COL5A1: variants seen among roughly 807,000 people sequenced by gnomAD.
COL5A1 encodes the protein collagen type V alpha 1 chain, also known as collagen alpha-1(V) chain.
In COL5A1, 16 loss-of-function variants were observed where a neutral mutation model predicts 263.7. The ratio of observed to expected loss-of-function variants is 0.06; its 90% CI spans 0.04 to 0.09. COL5A1 has a LOEUF of 0.09. Among genes scored for constraint, COL5A1 ranks in the 10% least tolerant of loss-of-function variants. COL5A1 has a pLI of 1.00. For synonymous variants in COL5A1, 1,012 were observed against 1,004.5 expected, an observed-to-expected ratio of 1.01 and a Z score of -0.14; for missense variants, 2,036 against 2,540.5, an observed-to-expected ratio of 0.80 and a Z score of 4.27.
At chr9:134,644,975 C>G (rs547635534) in intron 1 of COL5A1, among the ~76,000 whole-genome samples, 1 of 152,296 alleles carries the variant, frequency 6.6e-6, no homozygotes, top group South Asian at 2.1e-4. Context: ...CCTCTGCCCC[C>G]TCCCTCCCTC....
rs375583238 is a variant in COL5A1, at chr9:134,721,378, C to T, written c.655-5888C>T. ...GGCTGCCCAGGACCCCCCATGACCC[C>T]GTTAGGGCTGTTCTGTGCCTCTCGT... On this transcript the variant is annotated intron_variant, in intron 4 of 65. Transcript: ENST00000371817. 1.2e-4 allele frequency among the ~76,000 whole-genome samples: 19 copies of T among 152,154 alleles called. No homozygotes were observed. The East Asian group carries it at 1.7e-3, about 14-fold the overall frequency.
intron 4 of COL5A1, among the ~76,000 whole-genome samples, chr9:134,712,511 C>A: frequency 1.2e-5 from 1 of 82,474 alleles, no homozygotes; most frequent in Non-Finnish European, 2.5e-5. Context: ...TCCTTCCTGT[C>A]CCCCTTTCTT....
At chr9:134,775,704 A>G (rs965347347) in intron 27 of COL5A1, among the ~76,000 whole-genome samples, 1 of 152,206 alleles carries the variant, frequency 6.6e-6, no homozygotes, top group African/African-American at 2.4e-5. Flanking sequence ...TTAAAGGCTC[A>G]TGATGATTCT....
intron 27 of COL5A1, among the ~76,000 whole-genome samples, chr9:134,777,337 T>TGGCC (rs762041955): frequency 1.3e-5 from 2 of 152,220 alleles, no homozygotes; most frequent in Non-Finnish European, 2.9e-5. Flanking sequence ...CCGGGGCGGC[T>TGGCC]GGCCGGCCGA....
chr9:134,835,225 C>G lies in COL5A1; in HGVS notation c.5370+21C>G, dbSNP rs376301629. 1.2e-5 allele frequency: 20 copies of G among 1,601,882 alleles called. No homozygotes were observed. In the African/African-American group the frequency reaches 2.7e-4, roughly 21 times the overall value. On this transcript the variant is annotated intron_variant, in intron 65 of 65. Transcript: ENST00000371817. ...GTGCTGTGAGTATCCCGCGCCGCGC[C>G]CAGCACCCCTGCTCACGCCTCCGTG...
intron 52 of COL5A1, 57 bp from the exon 53 acceptor site, chr9:134,816,969 T>G (rs1838775226): frequency 4.0e-6 from 6 of 1,508,092 alleles, no homozygotes; most frequent in South Asian, 1.1e-5. Flanking sequence ...GTGTTTTGCC[T>G]CAATTGAGTC....
rs751717243 is a variant in COL5A1 at position 134,727,232 on chromosome 9, A to G, written c.655-34A>G. ...CAGGTCCCCATGCGAGTGCTCTGTG[A>G]GCTGCTTTTTCATGAGCGTCTCTTC... On this transcript the variant is annotated intron_variant, in intron 4 of 65. Coordinates refer to ENST00000371817, the MANE Select transcript of COL5A1 (RefSeq NM_000093.5). 7 of 1,611,656 alleles carry G rather than the reference A, an allele frequency of 4.3e-6. No homozygotes were observed. The African/African-American group carries it at 5.4e-5, about 12-fold the overall frequency.
chr9:134,797,480 C>A (rs1837953636), intron 36 of COL5A1, among the ~76,000 whole-genome samples: 1 of 114,934 alleles, frequency 8.7e-6, no homozygotes, highest in African/African-American at 3.4e-5. Context: ...GTCTTCTAAT[C>A]TCTTTCTTTT....
intron 60 of COL5A1, 102 bp downstream of exon 60, chr9:134,823,135 A>C: frequency 4.0e-5 from 54 of 1,356,504 alleles, no homozygotes; most frequent in Non-Finnish European, 5.2e-5. Context: ...GTCCTAGCTC[A>C]GGCCCTGCTG....
chr9:134,649,663 C>A (rs1831602674), intron 1 of COL5A1: 1 of 392,906 alleles, frequency 2.5e-6, no homozygotes, highest in African/African-American at 2.1e-5. Flanking sequence ...TACCATTTGA[C>A]CTGGTGATCC....
Position 134,835,118 on chromosome 9 carries a change from A to G in COL5A1, c.5284A>G (p.Lys1762Glu). The G allele has an allele frequency of 6.2e-7, 1 of 1,613,824 alleles. No homozygotes were observed. The highest frequency in any genetic ancestry group is 1.7e-5 in the Admixed American group (1 of 60,022). ...GGACGCAGCCACGGGCAGCTACGAC[A>G]AGGCCCTCCGCTTCCTGGGCTCCAA... ...WQDAATGSYD[K>E]ALRFLGSNDE... is the part of the protein sequence containing the mutation. Residue 1762 changes from lysine to glutamate, a missense_variant, in exon 65 of 66, where the codon AAG becomes GAG. Coordinates refer to ENST00000371817, the MANE Select transcript of COL5A1 (RefSeq NM_000093.5).
At position 134,811,485 on chromosome 9, in the gene COL5A1, C is replaced by G. The variant is rs1330304599; in HGVS notation, c.3583-7C>G. 2 of 1,613,744 alleles carry G rather than the reference C, an allele frequency of 1.2e-6. No homozygotes were observed. ...ATCCTCACCCATGGCCGGTTATTTC[C>G]CTGCAGGGAGCTGACGGCGAGCCGG... On this transcript the variant is annotated splice_polypyrimidine_tract_variant and splice_region_variant and intron_variant, in intron 45 of 65. Transcript: ENST00000371817.
Position 134,758,176 on chromosome 9 carries a change from G to T in COL5A1, c.1882-67G>T. On this transcript the variant is annotated intron_variant, in intron 17 of 65. Coordinates refer to ENST00000371817, the MANE Select transcript of COL5A1 (RefSeq NM_000093.5). This position sits in a 1 kb window ranked among gnomAD's most constrained non-coding sequence, Gnocchi z 4.1. ...AAGGCGGGGCGGCCATCACTTGGTG[G>T]ACACCAAGGCGGGGTGTCCACGTGT... 6.4e-7 allele frequency: 1 copy of T among 1,550,608 alleles called. No individual in the cohort carries two copies. Among genetic ancestry groups the T allele is most frequent in the Non-Finnish European group, 8.9e-7 (1 of 1,123,282 alleles).
chr9:134,797,577 G>A (rs1393650689), intron 36 of COL5A1, among the ~76,000 whole-genome samples: 1 of 152,198 alleles, frequency 6.6e-6, no homozygotes, highest in African/African-American at 2.4e-5. Context: ...CTGCCTCCTG[G>A]GTTCAAGCCA....
chr9:134,826,222 C>T (rs575067708), intron 63 of COL5A1, among the ~76,000 whole-genome samples: 1 of 152,298 alleles, frequency 6.6e-6, no homozygotes, highest in East Asian at 1.9e-4. Context: ...GTCCCACTGA[C>T]CTGAGACCCC....
chr9:134,704,309 T>G (rs1403710437), intron 4 of COL5A1, among the ~76,000 whole-genome samples: 1 of 152,122 alleles, frequency 6.6e-6, no homozygotes, highest in Non-Finnish European at 1.5e-5. Flanking sequence ...TTTGTGTGTG[T>G]GGGAGGCACC....
At chr9:134,726,427 C>T (rs1834652646) in intron 4 of COL5A1, among the ~76,000 whole-genome samples, 1 of 150,970 alleles carries the variant, frequency 6.6e-6, no homozygotes, top group African/African-American at 2.4e-5. Context: ...GATGGATGGA[C>T]AGGTGGATAG....
chr9:134,664,413 A>G (rs955062042), intron 1 of COL5A1, among the ~76,000 whole-genome samples: 1 of 152,178 alleles, frequency 6.6e-6, no homozygotes, highest in Non-Finnish European at 1.5e-5. Flanking sequence ...CAAAAAAACA[A>G]CTGGTCACCG....
intron 9 of COL5A1, among the ~76,000 whole-genome samples, chr9:134,737,491 G>A (rs1835144835): frequency 6.6e-6 from 1 of 152,228 alleles, no homozygotes; most frequent in South Asian, 2.1e-4. Flanking sequence ...CTGCCTCGGG[G>A]TCATTCTCCA....
Sources: allele counts gnomAD v4.1 joint callset (sites outside exome capture counted in the v4.1 genomes callset), GRCh38; gene constraint gnomAD v4.1.1; non-coding constraint Gnocchi (gnomAD v3.1); transcripts MANE v1.5; gene names NCBI Gene and HGNC (gene_info 2026-07-23, HGNC 2026-07-21).